The following NXN variants were observed in gnomAD, a reference collection of about 807,000 sequenced individuals.
The protein encoded by NXN is nucleoredoxin.
Under a neutral mutation model 48.6 loss-of-function variants are expected in NXN, and 16 were observed. The ratio of observed to expected loss-of-function variants is 0.33; its 90% CI spans 0.22 to 0.50. NXN has a LOEUF of 0.50. Ranked by LOEUF, NXN falls within the 20% of genes least tolerant of loss-of-function variation. The pLI is 0.98. For missense variants in NXN, 492 were observed against 605.5 expected, an observed-to-expected ratio of 0.81 and a Z score of 1.97; for synonymous variants, 281 against 269.6, an observed-to-expected ratio of 1.04 and a Z score of -0.41.
intron 1 of NXN, among the ~76,000 whole-genome samples, chr17:832,739 C>T (rs1460372654): frequency 6.6e-6 from 1 of 152,104 alleles, no homozygotes; most frequent in Non-Finnish European, 1.5e-5. Flanking sequence ...TTCCCTCCCT[C>T]CCTAAAGATT....
At chr17:824,426 G>A (rs1049427360) in intron 2 of NXN, among the ~76,000 whole-genome samples, 3 of 152,180 alleles carry the variant, frequency 2.0e-5, no homozygotes, top group African/African-American at 4.8e-5. Flanking sequence ...AAAGATGTAC[G>A]TGCAAAATGA....
chr17:870,485 G>A (rs1327672888), intron 1 of NXN, among the ~76,000 whole-genome samples: 1 of 152,108 alleles, frequency 6.6e-6, no homozygotes, highest in Non-Finnish European at 1.5e-5. Flanking sequence ...GCTCAGGCCT[G>A]TAATCCTAGC....
rs1338873389 is a variant in NXN, at chr17:799,317, A to G, written c.*1632T>C. ...ACCACAAGCAAAAACAACTTTTGTGATCAAGGACAGCAGAGGCCCAGGGTG... is the reference window on the plus strand; with the variant it reads ...ACCACAAGCAAAAACAACTTTTGTGGTCAAGGACAGCAGAGGCCCAGGGTG... On this transcript the variant is annotated 3_prime_UTR_variant, in exon 8 of 8. Transcript: ENST00000336868. 2 of 152,306 alleles carry G rather than the reference A, an allele frequency of 1.3e-5. No individual in the cohort carries two copies. The highest frequency in any genetic ancestry group is 4.8e-5 in the African/African-American group (2 of 41,436). The allele number at this position is 152,306 out of a possible 1,614,324, so 9.4% of individuals were successfully genotyped here. A position where few individuals can be genotyped will look rare whatever the true frequency, so the allele number is the denominator to read the frequency against.
intron 1 of NXN, among the ~76,000 whole-genome samples, chr17:905,496 A>G (rs7215424): frequency 0.16 from 24,336 of 152,202 alleles, 2,553 homozygotes; most frequent in Middle Eastern, 0.29. Flanking sequence ...AGTTTAAAGC[A>G]ACCTGCTGCC....
chr17:928,285 G>A lies in NXN; in HGVS notation c.360+51034C>T, dbSNP rs532759693. 9.2e-5 allele frequency among the ~76,000 whole-genome samples: 14 copies of A among 152,216 alleles called. 1 individual carries two copies. In the South Asian group the frequency reaches 2.7e-3, roughly 29 times the overall value. On this transcript the variant is annotated intron_variant, in intron 1 of 7. Transcript: ENST00000336868. Reference sequence around the variant, plus strand: ...AACTTCACATCTCATTCCAAAGAGTGGCAGTTTGGGTAACGTGCTCTGCCA... The same window carrying A: ...AACTTCACATCTCATTCCAAAGAGTAGCAGTTTGGGTAACGTGCTCTGCCA...
chr17:912,171 C>T (rs1195613562), intron 1 of NXN, among the ~76,000 whole-genome samples: 26 of 152,026 alleles, frequency 1.7e-4, no homozygotes. Flanking sequence ...CTCCTAACAT[C>T]AAGTGATCCA....
chr17:904,293 C>T (rs566706645), intron 1 of NXN, among the ~76,000 whole-genome samples: 7 of 131,552 alleles, frequency 5.3e-5, no homozygotes, highest in East Asian at 2.3e-4. Flanking sequence ...GCCCGGACGT[C>T]GGACGCCGTC....
At chr17:966,591 T>C (rs1338308470) in intron 1 of NXN, among the ~76,000 whole-genome samples, 2 of 151,406 alleles carry the variant, frequency 1.3e-5, no homozygotes, top group African/African-American at 4.9e-5. Flanking sequence ...AGGGGATCCG[T>C]CGACTTCAGC....
chr17:919,838 C>T lies in NXN; in HGVS notation c.360+59481G>A, dbSNP rs1425884348. Among the ~76,000 whole-genome samples, 5 of 152,156 alleles carry T rather than the reference C, an allele frequency of 3.3e-5. No homozygotes were observed. Among genetic ancestry groups the T allele is most frequent in the South Asian group, 2.1e-4 (1 of 4,822 alleles). On this transcript the variant is annotated intron_variant, in intron 1 of 7. Transcript: ENST00000336868. This position sits in a 1 kb window ranked among gnomAD's most constrained non-coding sequence, Gnocchi z 5.1. ...AATCTTGGCGGACCACACTGGTATG[C>T]GACCTCATCTAGCTACATAGCTACA...
At position 843,061 on chromosome 17, in the gene NXN, AAGAAAGC is replaced by A. The variant is rs1406700327; in HGVS notation, c.361-16990_361-16984del. 8.7e-3 allele frequency among the ~76,000 whole-genome samples: 1,243 copies of A among 142,374 alleles called. 12 individuals carry two copies. The highest frequency in any genetic ancestry group is 0.015 in the East Asian group (70 of 4,808). The allele number at this position is 142,374 out of a possible 152,430, so 93.4% of individuals were successfully genotyped here. The stretch of plus-strand genomic sequence containing the variant: ...GAAAGAAAGAAAGAAAGAAAGAAGG[AAGAAAGC>A]AAGCAAGCAAGCTGCACCTTCAGAC... On this transcript the variant is annotated intron_variant, in intron 1 of 7. Coordinates refer to ENST00000336868, the MANE Select transcript of NXN (RefSeq NM_022463.5).
intron 1 of NXN, among the ~76,000 whole-genome samples, chr17:952,849 A>G (rs925825740): frequency 3.4e-4 from 52 of 151,550 alleles, no homozygotes; most frequent in Non-Finnish European, 8.8e-5. Flanking sequence ...CAAGGTTGGA[A>G]CCCGGCAGGT....
At chr17:925,291 GTA>G (rs1166778735) in intron 1 of NXN, among the ~76,000 whole-genome samples, 2 of 152,200 alleles carry the variant, frequency 1.3e-5, no homozygotes, top group African/African-American at 4.8e-5. Flanking sequence ...CCAGTGACGG[GTA>G]CAAGGAGGCC....
intron 5 of NXN, among the ~76,000 whole-genome samples, chr17:812,478 CAG>C (rs1037225866): frequency 2.6e-5 from 4 of 152,220 alleles, no homozygotes; most frequent in African/African-American, 7.2e-5. Flanking sequence ...CAGACTCAAA[CAG>C]GGAGCAGGAC....
intron 1 of NXN, among the ~76,000 whole-genome samples, chr17:921,550 A>G (rs1280409301): frequency 6.6e-6 from 1 of 151,588 alleles, no homozygotes; most frequent in Non-Finnish European, 1.5e-5. Context: ...TGATGGTTTC[A>G]CCCTTGGCTT....
chr17:816,593 G>C (rs556368117), intron 5 of NXN, among the ~76,000 whole-genome samples: 1 of 152,034 alleles, frequency 6.6e-6, no homozygotes, highest in Non-Finnish European at 1.5e-5. Flanking sequence ...TGGCGGCTTC[G>C]CATTCAAAGC....
chr17:926,388 T>C (rs9906285), intron 1 of NXN, among the ~76,000 whole-genome samples: 5,349 of 152,126 alleles, frequency 0.035, 318 homozygotes, highest in African/African-American at 0.12. Context: ...GGTCTTGTCA[T>C]GTTACCCAGG....
At chr17:857,481 G>A (rs1474132298) in intron 1 of NXN, among the ~76,000 whole-genome samples, 2 of 152,188 alleles carry the variant, frequency 1.3e-5, no homozygotes, top group East Asian at 3.9e-4. Flanking sequence ...GGCTGGTCTC[G>A]AACTCCTGCC....
At chr17:887,003 G>T (rs1415875536) in intron 1 of NXN, among the ~76,000 whole-genome samples, 1 of 151,936 alleles carries the variant, frequency 6.6e-6, no homozygotes, top group Non-Finnish European at 1.5e-5. Context: ...AACCTCCTGG[G>T]CTCAAGCAAT....
At chr17:890,852 CT>C (rs2068408793) in intron 1 of NXN, among the ~76,000 whole-genome samples, 1 of 152,114 alleles carries the variant, frequency 6.6e-6, no homozygotes, top group African/African-American at 2.4e-5. Context: ...CCTCCCAGGC[CT>C]ATCAGGGGGA....
Sources: gnomAD v4.1 joint callset for allele counts (sites outside exome capture counted in the v4.1 genomes callset) on GRCh38, gnomAD v4.1.1 for gene constraint, Gnocchi (gnomAD v3.1) non-coding constraint, MANE v1.5 for transcripts, NCBI Gene and HGNC (gene_info 2026-07-23, HGNC 2026-07-21) for gene names.